The following PLA2R1 variants were observed in gnomAD, a reference collection of about 807,000 sequenced individuals.
PLA2R1 encodes secretory phospholipase A2 receptor.
In PLA2R1, 158 loss-of-function variants were observed where a neutral mutation model predicts 195.9. The ratio of observed to expected loss-of-function variants is 0.81; its 90% CI spans 0.71 to 0.92. The LOEUF (loss-of-function observed/expected upper bound fraction) is 0.92, where lower values mean the gene tolerates loss of function less well. PLA2R1 is among the 40% of genes least tolerant of loss of function. PLA2R1 has a pLI of 0.00. For synonymous variants in PLA2R1, 586 were observed against 598.2 expected (o/e 0.98, Z 0.30); for missense variants, 1,626 against 1,764.6 (o/e 0.92, Z 1.41).
intron 3 of PLA2R1, 116 bp from the exon 4 acceptor site, chr2:160,033,248 C>T: frequency 1.4e-6 from 1 of 692,076 alleles, no homozygotes; most frequent in Non-Finnish European, 2.3e-6. Context: ...ACTTCAGGGC[C>T]TTATCTATTC....
chr2:160,059,028 G>C (rs146634512), intron 1 of PLA2R1, among the ~76,000 whole-genome samples: 1 of 152,182 alleles, frequency 6.6e-6, no homozygotes, highest in Admixed American at 6.5e-5. Flanking sequence ...ACGGGAGACA[G>C]TGACAGATCA....
At chr2:159,990,664 G>A (rs903695688) in intron 11 of PLA2R1, among the ~76,000 whole-genome samples, 1 of 152,184 alleles carries the variant, frequency 6.6e-6, no homozygotes, top group African/African-American at 2.4e-5. Flanking sequence ...GGGTAGGCAA[G>A]GCAAGTTTCC....
At chr2:160,014,466 A>T (rs1692600808) in intron 9 of PLA2R1, among the ~76,000 whole-genome samples, 2 of 152,150 alleles carry the variant, frequency 1.3e-5, no homozygotes, top group South Asian at 4.2e-4. Flanking sequence ...TAAGACATAC[A>T]TTCATTAGTC....
chr2:159,973,355 T>G (rs555616414), intron 17 of PLA2R1, among the ~76,000 whole-genome samples: 2 of 152,018 alleles, frequency 1.3e-5, no homozygotes, highest in South Asian at 4.1e-4. Context: ...TCCTTTCCCC[T>G]TGGACCCCAC....
At chr2:160,006,211 G>C (rs1390082939) in intron 10 of PLA2R1, among the ~76,000 whole-genome samples, 1 of 152,178 alleles carries the variant, frequency 6.6e-6, no homozygotes, top group Non-Finnish European at 1.5e-5. Flanking sequence ...CGGGGTAAAG[G>C]TGGGCAGGAG....
rs142160646 is a variant in PLA2R1, at chr2:160,028,211, C to T, written c.1099+7G>A. On this transcript the variant is annotated splice_region_variant and intron_variant, in intron 6 of 29. Coordinates refer to ENST00000283243, the MANE Select transcript of PLA2R1 (RefSeq NM_007366.5). ...ACCTAAGAACAACTTAAAATAAAAACGCTTACCAACTATTTCATGATCAAT... is the reference window on the plus strand; with the variant it reads ...ACCTAAGAACAACTTAAAATAAAAATGCTTACCAACTATTTCATGATCAAT... 2,078 of 1,565,376 alleles carry T rather than the reference C, an allele frequency of 1.3e-3. 11 individuals carry two copies. The Middle Eastern group carries it at 0.039, about 29-fold the overall frequency.
At chr2:159,945,316 T>C (rs1212802661) in intron 27 of PLA2R1, among the ~76,000 whole-genome samples, 1 of 152,156 alleles carries the variant, frequency 6.6e-6, no homozygotes, top group Non-Finnish European at 1.5e-5. Context: ...TCATCCAGCA[T>C]TAGGTATATC....
intron 10 of PLA2R1, 44 bp downstream of exon 10, chr2:160,013,219 C>G (rs1263688552): frequency 1.1e-6 from 1 of 923,878 alleles, no homozygotes; most frequent in Admixed American, 1.8e-5. Context: ...CAAGAGTCCT[C>G]ATGTGAAAGC....
At chr2:159,928,510 A>G (rs1241793485), downstream of PLA2R1, among the ~76,000 whole-genome samples, 1 of 152,246 alleles carries the variant, frequency 6.6e-6, no homozygotes, top group African/African-American at 2.4e-5. Context: ...AGCATACATG[A>G]CACAAACGAA....
chr2:160,001,036 G>A (rs906458481), intron 11 of PLA2R1, among the ~76,000 whole-genome samples: 44 of 152,046 alleles, frequency 2.9e-4, no homozygotes, highest in African/African-American at 1.0e-3. Flanking sequence ...TTCAGGTTGC[G>A]GGAGTCTAAT....
At chr2:159,930,179 C>T (rs1435058613), downstream of PLA2R1, among the ~76,000 whole-genome samples, 6 of 152,026 alleles carry the variant, frequency 3.9e-5, no homozygotes, top group Non-Finnish European at 7.4e-5. Flanking sequence ...GAGGCCAAGG[C>T]GGGTGGATCA....
intron 17 of PLA2R1, among the ~76,000 whole-genome samples, chr2:159,971,897 G>A (rs543315137): frequency 2.6e-4 from 39 of 152,074 alleles, no homozygotes; most frequent in Non-Finnish European, 1.9e-4. Context: ...AATGCAAGAT[G>A]GAACAACTGT....
At position 160,003,260 on chromosome 2, in the gene PLA2R1, T is replaced by C. The variant is rs978847851; in HGVS notation, c.1834+2392A>G. On this transcript the variant is annotated intron_variant, in intron 11 of 29. Coordinates refer to ENST00000283243, the MANE Select transcript of PLA2R1 (RefSeq NM_007366.5). Reference sequence around the variant, plus strand: ...AAAATATAAGGTTATATTTTTATAATCTTTGGTTGAGCAAAGCCTTTAGAA... The same window carrying C: ...AAAATATAAGGTTATATTTTTATAACCTTTGGTTGAGCAAAGCCTTTAGAA... 7.2e-5 allele frequency among the ~76,000 whole-genome samples: 11 copies of C among 152,050 alleles called. 1 individual carries two copies. The highest frequency in any genetic ancestry group is 6.2e-4 in the South Asian group (3 of 4,834).
chr2:159,975,800 C>T (rs1417996980), intron 17 of PLA2R1, among the ~76,000 whole-genome samples: 3 of 152,110 alleles, frequency 2.0e-5, no homozygotes, highest in Middle Eastern at 3.4e-3. Flanking sequence ...GAAACAATCT[C>T]GACGTGCTCA....
chr2:159,991,223 T>C (rs1690767398), intron 11 of PLA2R1, among the ~76,000 whole-genome samples: 1 of 152,190 alleles, frequency 6.6e-6, no homozygotes, highest in Non-Finnish European at 1.5e-5. Flanking sequence ...GCCACAGCAT[T>C]TCCTTGAAGA....
Position 160,022,879 on chromosome 2 carries a change from A to C in PLA2R1, c.1100-20T>G, listed in dbSNP as rs764863209. 1 of 1,514,024 alleles carries C rather than the reference A, an allele frequency of 6.6e-7. No individual in the cohort carries two copies. Among genetic ancestry groups the C allele is most frequent in the African/African-American group, 1.4e-5 (1 of 71,806 alleles). 93.8% of individuals were successfully genotyped at this position (1,514,024 alleles called of 1,614,324 possible). A position where few individuals can be genotyped will look rare whatever the true frequency, so the allele number is the denominator to read the frequency against. ...CTTTTTCTTTTTAAACCAACAAAAA[A>C]CAATGTCATTTTCCACAATTATTTT... On this transcript the variant is annotated intron_variant, in intron 6 of 29. Coordinates refer to ENST00000283243, the MANE Select transcript of PLA2R1 (RefSeq NM_007366.5).
In PLA2R1 at chr2:159,933,513, C is replaced by T. The variant is rs908290879; in HGVS notation, c.*8265G>A. On this transcript the variant is annotated 3_prime_UTR_variant, in exon 30 of 30. Coordinates refer to ENST00000283243, the MANE Select transcript of PLA2R1 (RefSeq NM_007366.5). Reference sequence around the variant, plus strand: ...ACTTCTGACAGAATTAATCAGTCCCCTCTCCTTTTTTTTCTGATTCTCTTC... The same window carrying T: ...ACTTCTGACAGAATTAATCAGTCCCTTCTCCTTTTTTTTCTGATTCTCTTC... 1.3e-5 allele frequency: 2 copies of T among 152,098 alleles called. No individual in the cohort carries two copies. Among genetic ancestry groups the T allele is most frequent in the Non-Finnish European group, 2.9e-5 (2 of 68,022 alleles). The allele number at this position is 152,098 out of a possible 1,614,324, so 9.4% of individuals were successfully genotyped here.
chr2:159,942,330 C>T (rs1283491700), intron 28 of PLA2R1, among the ~76,000 whole-genome samples, 171 bp from the exon 29 acceptor site: 1 of 152,198 alleles, frequency 6.6e-6, no homozygotes, highest in East Asian at 1.9e-4. Flanking sequence ...AGCTGCTTTC[C>T]TGCTACAATG....
intron 9 of PLA2R1, 93 bp downstream of exon 9, chr2:160,016,521 A>AGGAGAAAGAGAAATTC (rs1692777523): frequency 7.2e-6 from 5 of 694,256 alleles, no homozygotes; most frequent in African/African-American, 1.8e-5. Flanking sequence ...AGAGAGAGAG[A>AGGAGAAAGAGAAATTC]GGAGAAAGAG....
Sources: gnomAD v4.1 joint callset for allele counts (sites outside exome capture counted in the v4.1 genomes callset) on GRCh38, gnomAD v4.1.1 for gene constraint, MANE v1.5 for transcripts, NCBI Gene and HGNC (gene_info 2026-07-23, HGNC 2026-07-21) for gene names.